PRSS12: variants seen among roughly 807,000 people sequenced by gnomAD.
The protein encoded by PRSS12 is neurotrypsin.
Under a neutral mutation model 104.4 loss-of-function variants are expected in PRSS12, and 85 were observed. The observed-to-expected ratio is 0.81, with a 90% CI of 0.68 to 0.98. The LOEUF (loss-of-function observed/expected upper bound fraction) is 0.98, where lower values mean the gene tolerates loss of function less well. Among genes scored for constraint, PRSS12 ranks in the 50% least tolerant of loss-of-function variants. The pLI, the probability that PRSS12 is intolerant of heterozygous loss-of-function variation, is 0.00. For missense variants in PRSS12, 1,141 were observed against 1,139.2 expected (o/e 1.00, Z -0.02); for synonymous variants, 454 against 425.2 (o/e 1.07, Z -0.83).
At chr4:118,283,259 C>T in intron 11 of PRSS12, 148 bp from the exon 12 acceptor site, 1 of 951,308 alleles carries the variant, frequency 1.1e-6, no homozygotes, top group South Asian at 1.4e-5. Flanking sequence ...TCTGACCCAC[C>T]ATTCCTGATC....
intron 1 of PRSS12, among the ~76,000 whole-genome samples, chr4:118,347,281 A>T (rs934178824): frequency 6.6e-6 from 1 of 152,140 alleles, no homozygotes; most frequent in Non-Finnish European, 1.5e-5. Context: ...GTGGCGGGGG[A>T]CAGCTTTCAG....
intron 8 of PRSS12, among the ~76,000 whole-genome samples, chr4:118,302,403 T>C (rs1035443729): frequency 6.6e-5 from 10 of 152,226 alleles, no homozygotes; most frequent in Non-Finnish European, 1.2e-4. Context: ...TTTCCATAAG[T>C]TTCTTTGCTC....
intron 4 of PRSS12, among the ~76,000 whole-genome samples, chr4:118,321,812 T>G (rs78376405): frequency 0.045 from 6,898 of 152,296 alleles, 240 homozygotes; most frequent in South Asian, 0.14. Flanking sequence ...TTTTCTGGTT[T>G]TAATGTTGTT....
At chr4:118,299,746 TAAATAAAATAAATAAAATTAAATA>T (rs1560768279) in intron 8 of PRSS12, among the ~76,000 whole-genome samples, 6 of 82,428 alleles carry the variant, frequency 7.3e-5, no homozygotes, top group African/African-American at 1.5e-4. Context: ...TAAAATAAAA[TAAATAAAATAAATAAAATTAAATA>T]AAATAAAATA....
intron 7 of PRSS12, among the ~76,000 whole-genome samples, chr4:118,312,498 A>C (rs1436729307): frequency 1.3e-5 from 2 of 152,164 alleles, no homozygotes; most frequent in African/African-American, 4.8e-5. Flanking sequence ...CTCATCAGAC[A>C]TTAAGAAATT....
chr4:118,338,415 G>A (rs1485151019), intron 1 of PRSS12, 101 bp from the exon 2 acceptor site: 8 of 1,436,730 alleles, frequency 5.6e-6, no homozygotes, highest in Admixed American at 1.9e-5. Context: ...TAAGTAGTAA[G>A]GGATCCAGGC....
At chr4:118,314,214 A>T (rs976666814) in intron 6 of PRSS12, among the ~76,000 whole-genome samples, 9 of 152,152 alleles carry the variant, frequency 5.9e-5, no homozygotes, top group South Asian at 2.1e-4. Flanking sequence ...TACAAGATTC[A>T]ACTCTTACTC....
intron 4 of PRSS12, among the ~76,000 whole-genome samples, chr4:118,326,022 T>C (rs1034008626): frequency 6.6e-6 from 1 of 152,214 alleles, no homozygotes. Flanking sequence ...TTTTTGCTTT[T>C]GTTTCCCCCT....
intron 4 of PRSS12, among the ~76,000 whole-genome samples, chr4:118,322,218 G>GA (rs991845159): frequency 6.6e-6 from 1 of 152,088 alleles, no homozygotes; most frequent in African/African-American, 2.4e-5. Context: ...ACTTATAGTA[G>GA]AAAAAATATC....
Position 118,352,827 on chromosome 4 carries a change from C to A in PRSS12, c.-107G>T. 2.0e-6 allele frequency: 3 copies of A among 1,502,062 alleles called. No homozygotes were observed. The highest frequency in any genetic ancestry group is 2.7e-6 in the Non-Finnish European group (3 of 1,127,268). 93.0% of individuals were successfully genotyped at this position (1,502,062 alleles called of 1,614,324 possible). The stretch of plus-strand genomic sequence containing the variant: ...CTGCCGCGTCCCTCGAATCCCCCAG[C>A]CCCCTCCCGCCCCCGCACGCGGACC... On this transcript the variant is annotated 5_prime_UTR_variant, in exon 1 of 13. Coordinates refer to ENST00000296498, the MANE Select transcript of PRSS12 (RefSeq NM_003619.4).
chr4:118,323,128 G>C (rs1437693582), intron 4 of PRSS12, among the ~76,000 whole-genome samples: 1 of 151,974 alleles, frequency 6.6e-6, no homozygotes, highest in Non-Finnish European at 1.5e-5. Flanking sequence ...GCAGACCCCT[G>C]CTCTAGAGGA....
rs756423015 is a variant in PRSS12 at position 118,308,433 on chromosome 4, T to A, written c.1631+3A>T. On this transcript the variant is annotated splice_donor_region_variant and intron_variant, in intron 8 of 12. Transcript: ENST00000296498. ...CCATCCCAAATAATTAGGTTTTCCT[T>A]ACTTGTAGCCAAGCTGACGACAGAT... 3.1e-6 allele frequency: 5 copies of A among 1,613,886 alleles called. No homozygotes were observed. The highest frequency in any genetic ancestry group is 1.3e-5 in the African/African-American group (1 of 74,938).
Position 118,352,945 on chromosome 4 carries a change from G to T in PRSS12, c.-225C>A. ...CGGCGGCCGCGGGTGGGGAAATCTG[G>T]AGCTCAGCCGAGCCCCGGCCGGCGG... On this transcript the variant is annotated 5_prime_UTR_variant, in exon 1 of 13. Coordinates refer to ENST00000296498, the MANE Select transcript of PRSS12 (RefSeq NM_003619.4). The T allele has an allele frequency of 8.5e-7, 1 of 1,173,246 alleles. No individual in the cohort carries two copies. Among genetic ancestry groups the T allele is most frequent in the South Asian group, 1.8e-5 (1 of 55,524 alleles). 72.7% of individuals were successfully genotyped at this position (1,173,246 alleles called of 1,614,324 possible). A position where few individuals can be genotyped will look rare whatever the true frequency, so the allele number is the denominator to read the frequency against.
rs561158820 is a variant in PRSS12 at position 118,346,150 on chromosome 4, G to A, written c.502+6069C>T. 2.6e-5 allele frequency among the ~76,000 whole-genome samples: 4 copies of A among 152,144 alleles called. No homozygotes were observed. The South Asian group carries it at 8.3e-4, about 32-fold the overall frequency. On this transcript the variant is annotated intron_variant, in intron 1 of 12. Transcript: ENST00000296498. ...GAATAACCACCAGCCTAAGAATAAA[G>A]GCCACGCTTCTGAAGAGGATAGAGG...
chr4:118,330,507 CA>C (rs201606063), intron 4 of PRSS12, among the ~76,000 whole-genome samples: 35 of 148,882 alleles, frequency 2.4e-4, no homozygotes, highest in Non-Finnish European at 8.9e-5. Flanking sequence ...CAAACCAAAC[CA>C]AAAAAAAACA....
At chr4:118,305,169 T>C (rs990258077) in intron 8 of PRSS12, among the ~76,000 whole-genome samples, 2 of 150,846 alleles carry the variant, frequency 1.3e-5, no homozygotes, top group African/African-American at 4.9e-5. Flanking sequence ...TACATATATG[T>C]TCTTATATGA....
chr4:118,280,326 AGT>A lies in PRSS12; in HGVS notation c.*1608_*1609del, dbSNP rs562121792. ...CACGTTTTTCTGAAGCCCTTGTGCA[AGT>A]GTGTGTGCCATGTGTAGTTCTATTT... is the stretch of plus-strand genomic sequence containing the variant. On this transcript the variant is annotated 3_prime_UTR_variant, in exon 13 of 13. Coordinates refer to ENST00000296498, the MANE Select transcript of PRSS12 (RefSeq NM_003619.4). 5.9e-5 allele frequency: 9 copies of A among 152,204 alleles called. No homozygotes were observed. Among genetic ancestry groups the A allele is most frequent in the Non-Finnish European group, 1.3e-4 (9 of 68,046 alleles). 9.4% of individuals were successfully genotyped at this position (152,204 alleles called of 1,614,324 possible). A position where few individuals can be genotyped will look rare whatever the true frequency, so the allele number is the denominator to read the frequency against.
intron 4 of PRSS12, among the ~76,000 whole-genome samples, chr4:118,325,071 T>C (rs1165171895): frequency 6.6e-6 from 1 of 152,046 alleles, no homozygotes; most frequent in Non-Finnish European, 1.5e-5. Flanking sequence ...CTTTATCTAA[T>C]CCACCATTGA....
Position 118,281,040 on chromosome 4 carries a change from T to C in PRSS12, c.*896A>G, listed in dbSNP as rs765432517. 2 of 152,262 alleles carry C rather than the reference T, an allele frequency of 1.3e-5. No homozygotes were observed. Among genetic ancestry groups the C allele is most frequent in the Non-Finnish European group, 2.9e-5 (2 of 68,068 alleles). The allele number at this position is 152,262 out of a possible 1,614,324, so 9.4% of individuals were successfully genotyped here. A position where few individuals can be genotyped will look rare whatever the true frequency, so the allele number is the denominator to read the frequency against. Reference sequence around the variant, plus strand: ...GCATTTTGACTAGTATATTTTAAGATTGGATTGTATCAGGTTGGGCTTGGG... The same window carrying C: ...GCATTTTGACTAGTATATTTTAAGACTGGATTGTATCAGGTTGGGCTTGGG... On this transcript the variant is annotated 3_prime_UTR_variant, in exon 13 of 13. Transcript: ENST00000296498.
Sources: gnomAD v4.1 joint callset for allele counts (sites outside exome capture counted in the v4.1 genomes callset) on GRCh38, gnomAD v4.1.1 for gene constraint, MANE v1.5 for transcripts, NCBI Gene and HGNC (gene_info 2026-07-23, HGNC 2026-07-21) for gene names.